The following MMP24 variants were observed in gnomAD, a reference collection of about 807,000 sequenced individuals.
MMP24 encodes the protein matrix metallopeptidase 24, also known as matrix metalloproteinase-24.
Under a neutral mutation model 62.8 loss-of-function variants are expected in MMP24, and 25 were observed. The ratio of observed to expected loss-of-function variants is 0.40; its 90% CI spans 0.29 to 0.56. The LOEUF is 0.56. MMP24 is among the 20% of genes least tolerant of loss of function. The pLI is 0.50. For missense variants in MMP24, 634 were observed against 853.6 expected (o/e 0.74, Z 3.21); for synonymous variants, 319 against 350.5 (o/e 0.91, Z 1.00).
At position 35,274,878 on chromosome 20, in the gene MMP24, T is replaced by A; in HGVS notation, c.*269T>A. On this transcript the variant is annotated 3_prime_UTR_variant, in exon 9 of 9. Transcript: ENST00000246186. The surrounding 1 kb of genome is among the most constrained non-coding windows in gnomAD (Gnocchi z 5.1). Reference sequence around the variant, plus strand: ...ACTTAAGGGAATAGGCCAGGCTCCATCCGGAGGCAGGGACCATGCCAGGAG... The same window carrying A: ...ACTTAAGGGAATAGGCCAGGCTCCAACCGGAGGCAGGGACCATGCCAGGAG... 3 of 471,694 alleles carry A rather than the reference T, an allele frequency of 6.4e-6. No homozygotes were observed. Among genetic ancestry groups the A allele is most frequent in the Non-Finnish European group, 1.1e-5 (3 of 263,194 alleles). The allele number at this position is 471,694 out of a possible 1,614,324, so 29.2% of individuals were successfully genotyped here.
chr20:35,252,370 A>G (rs1328396156), intron 3 of MMP24, among the ~76,000 whole-genome samples: 1 of 152,182 alleles, frequency 6.6e-6, no homozygotes, highest in Non-Finnish European at 1.5e-5. Flanking sequence ...GCAGTGAGCT[A>G]TATCATGCCA....
At chr20:35,242,503 C>G (rs947208294) in intron 1 of MMP24, among the ~76,000 whole-genome samples, 1 of 152,072 alleles carries the variant, frequency 6.6e-6, no homozygotes, top group South Asian at 2.1e-4. Flanking sequence ...TGAAAAATTC[C>G]TGGGAGAAAG....
intron 4 of MMP24, 94 bp downstream of exon 4, chr20:35,254,848 A>G: frequency 1.5e-6 from 2 of 1,379,176 alleles, no homozygotes; most frequent in Non-Finnish European, 2.0e-6. Context: ...TGCTTTCTAG[A>G]GCCTCTTGTC....
At chr20:35,252,772 T>C (rs540670852) in intron 3 of MMP24, among the ~76,000 whole-genome samples, 154 of 142,322 alleles carry the variant, frequency 1.1e-3, no homozygotes, top group African/African-American at 3.8e-3. Context: ...GGGCCAGGCA[T>C]TGAGCAGGCT....
Position 35,275,928 on chromosome 20 carries a change from G to A in MMP24, c.*1319G>A. On this transcript the variant is annotated 3_prime_UTR_variant, in exon 9 of 9. Transcript: ENST00000246186. ...ACTGTCTCCAGCAGGAGTTCCTAGG[G>A]CTTGGCCTGCCTTGCTCCACAGTAC... 2.5e-6 allele frequency: 1 copy of A among 398,430 alleles called. No individual in the cohort carries two copies. Among genetic ancestry groups the A allele is most frequent in the Non-Finnish European group, 4.4e-6 (1 of 226,112 alleles). The allele number at this position is 398,430 out of a possible 1,614,324, so 24.7% of individuals were successfully genotyped here.
At chr20:35,259,268 T>C (rs2060590680) in intron 4 of MMP24, among the ~76,000 whole-genome samples, 1 of 152,230 alleles carries the variant, frequency 6.6e-6, no homozygotes, top group African/African-American at 2.4e-5. Flanking sequence ...ACCCCAGGAC[T>C]CCGCATTTTT....
chr20:35,252,104 A>G, intron 3 of MMP24, 83 bp downstream of exon 3: 1 of 1,115,598 alleles, frequency 9.0e-7, no homozygotes, highest in Non-Finnish European at 1.4e-6. Context: ...AAGGCTCACA[A>G]TGTAGGGGGG....
In MMP24 at chr20:35,271,399, C is replaced by T. The variant is rs2060668240; in HGVS notation, c.1334-170C>T. The stretch of plus-strand genomic sequence containing the variant: ...AGGGTGGGACTCGGAGCCCAGGCAG[C>T]AGAGGCAAGTTGTCCAGGATCTGTG... On this transcript the variant is annotated intron_variant, in intron 7 of 8. Transcript: ENST00000246186. This position sits in a 1 kb window ranked among gnomAD's most constrained non-coding sequence, Gnocchi z 4.0. 6.6e-6 allele frequency among the ~76,000 whole-genome samples: 1 copy of T among 152,196 alleles called. No individual in the cohort carries two copies. The highest frequency in any genetic ancestry group is 2.1e-4 in the South Asian group (1 of 4,826).
chr20:35,262,679 G>C (rs1345041931), intron 4 of MMP24: 1 of 146,728 alleles, frequency 6.8e-6, no homozygotes, highest in Middle Eastern at 3.2e-3. Context: ...CTTTACGGGT[G>C]TCGGGCTGGG....
chr20:35,236,725 G>C (rs2060465137), intron 1 of MMP24, among the ~76,000 whole-genome samples: 1 of 152,158 alleles, frequency 6.6e-6, no homozygotes, highest in Non-Finnish European at 1.5e-5. Context: ...TGTAATCCCA[G>C]CACTTTGGGA....
At chr20:35,237,026 G>A (rs2060467129) in intron 1 of MMP24, among the ~76,000 whole-genome samples, 2 of 151,444 alleles carry the variant, frequency 1.3e-5, no homozygotes, top group South Asian at 4.2e-4. Context: ...GGGGAGCTGG[G>A]AATGGAGCCA....
intron 5 of MMP24, among the ~76,000 whole-genome samples, chr20:35,264,829 G>A (rs980832831): frequency 2.6e-5 from 4 of 151,920 alleles, no homozygotes; most frequent in African/African-American, 9.7e-5. Flanking sequence ...TGTTCACACT[G>A]GTATGTGAGG....
At position 35,229,164 on chromosome 20, in the gene MMP24, C is replaced by T. The variant is rs138885923; in HGVS notation, c.246+2180C>T. Among the ~76,000 whole-genome samples, 1,497 of 152,300 alleles carry T rather than the reference C, an allele frequency of 9.8e-3. 18 individuals carry two copies. The highest frequency in any genetic ancestry group is 0.024 in the Middle Eastern group (7 of 294). ...CGTTTGTCTGCCATCTTGCATTGCA[C>T]TCAGTAACTTCCTTCAAGCATTCGC... On this transcript the variant is annotated intron_variant, in intron 1 of 8. Coordinates refer to ENST00000246186, the MANE Select transcript of MMP24 (RefSeq NM_006690.4).
intron 4 of MMP24, among the ~76,000 whole-genome samples, chr20:35,255,542 T>C (rs2060570482): frequency 6.6e-6 from 1 of 152,120 alleles, no homozygotes; most frequent in Non-Finnish European, 1.5e-5. Flanking sequence ...AATGAATATT[T>C]ATGGAGGCAG....
At chr20:35,270,626 C>G (rs73903033) in intron 7 of MMP24, among the ~76,000 whole-genome samples, 1,570 of 152,292 alleles carry the variant, frequency 0.01, 28 homozygotes, top group African/African-American at 0.035. Context: ...ATGGCAGGGG[C>G]AGGGCAGCCA....
rs114249756 is a variant in MMP24 at position 35,274,352 on chromosome 20, A to G, written c.1681A>G (p.Asn561Asp). 5.6e-6 allele frequency: 9 copies of G among 1,613,964 alleles called. No individual in the cohort carries two copies. In the African/African-American group the frequency reaches 1.2e-4, roughly 22 times the overall value. Residue 561 changes from asparagine (N) to aspartate (D), a missense_variant, in exon 9 of 9, where the codon AAC (asparagine) becomes GAC (aspartate). By Grantham distance (23) the Asn-to-Asp change is conservative. This residue lies in a region of MMP24 where 399 missense variants were observed against 530.8 expected (regional missense o/e 0.75). Transcript: ENST00000246186. This position sits in a 1 kb window ranked among gnomAD's most constrained non-coding sequence, Gnocchi z 5.1. ...GAGCGTGGAGCCAGGCTACCCGCGC[A>G]ACATCCTGCGTGACTGGATGGGCTG... ...KLSVEPGYPR[N>D]ILRDWMGCNQ...
chr20:35,264,832 A>G (rs185546594), intron 5 of MMP24, among the ~76,000 whole-genome samples: 59 of 151,288 alleles, frequency 3.9e-4, no homozygotes, highest in African/African-American at 1.4e-3. Flanking sequence ...TCACACTGGT[A>G]TGTGAGGTTC....
chr20:35,241,522 C>A (rs2060488389), intron 1 of MMP24, among the ~76,000 whole-genome samples: 1 of 151,556 alleles, frequency 6.6e-6, no homozygotes, highest in Non-Finnish European at 1.5e-5. Flanking sequence ...CACCATGTGT[C>A]TGATCCATCC....
chr20:35,230,283 C>A (rs2060432143), intron 1 of MMP24, among the ~76,000 whole-genome samples: 1 of 152,188 alleles, frequency 6.6e-6, no homozygotes, highest in Non-Finnish European at 1.5e-5. Flanking sequence ...AGCCACCGTG[C>A]CCAGCCCTAT....
Sources: allele counts gnomAD v4.1 joint callset (sites outside exome capture counted in the v4.1 genomes callset), GRCh38; gene constraint gnomAD v4.1.1; regional missense constraint gnomAD v4.1.1; non-coding constraint Gnocchi (gnomAD v3.1); transcripts MANE v1.5; gene names NCBI Gene and HGNC (gene_info 2026-07-23, HGNC 2026-07-21).